Variants in TAF4B observed in about 807,000 individuals in gnomAD.
TAF4B encodes the protein TATA-box binding protein associated factor 4b.
Under a neutral mutation model 86.4 loss-of-function variants are expected in TAF4B, and 38 were observed. That is an observed-to-expected ratio of 0.44 (90% CI 0.34 to 0.58). TAF4B has a LOEUF of 0.58. Among genes scored for constraint, TAF4B ranks in the 20% least tolerant of loss-of-function variants. The pLI is 0.02. For synonymous variants in TAF4B, 388 were observed against 391.2 expected, an observed-to-expected ratio of 0.99 and a Z score of 0.10; for missense variants, 988 against 1,027.6, an observed-to-expected ratio of 0.96 and a Z score of 0.53.
chr18:26,293,316 G>A (rs1346395949), intron 8 of TAF4B, 110 bp from the exon 9 acceptor site: 1 of 667,046 alleles, frequency 1.5e-6, no homozygotes. Flanking sequence ...GGGCAGCTTG[G>A]AATTTTCTTT....
At chr18:26,240,591 G>C (rs9695454) in intron 1 of TAF4B, among the ~76,000 whole-genome samples, 1 of 152,120 alleles carries the variant, frequency 6.6e-6, no homozygotes. Flanking sequence ...TCTCCTGCCT[G>C]ATTGCCCTGG....
chr18:26,365,985 T>G (rs1207648641), intron 14 of TAF4B, among the ~76,000 whole-genome samples: 2 of 152,132 alleles, frequency 1.3e-5, no homozygotes, highest in Non-Finnish European at 1.5e-5. Flanking sequence ...GTGACCAAGT[T>G]TCACCATGTT....
At chr18:26,386,134 T>TACA (rs1355154962) in intron 14 of TAF4B, among the ~76,000 whole-genome samples, 1 of 152,158 alleles carries the variant, frequency 6.6e-6, no homozygotes, top group African/African-American at 2.4e-5. Context: ...TCCCTTGGGG[T>TACA]TTTTTTCATT....
chr18:26,382,121 TCTTA>T (rs1465521666), intron 14 of TAF4B, among the ~76,000 whole-genome samples: 4 of 152,302 alleles, frequency 2.6e-5, no homozygotes, highest in East Asian at 1.9e-4. Flanking sequence ...ATATTATAGC[TCTTA>T]CTTATATTCA....
chr18:26,343,812 G>A (rs1017303396), intron 13 of TAF4B, among the ~76,000 whole-genome samples: 1 of 152,018 alleles, frequency 6.6e-6, no homozygotes, highest in South Asian at 2.1e-4. Context: ...GGTGTACCTC[G>A]GCATCCTGGA....
chr18:26,237,948 G>GT (rs988474408), intron 1 of TAF4B, among the ~76,000 whole-genome samples: 1 of 152,112 alleles, frequency 6.6e-6, no homozygotes, highest in Non-Finnish European at 1.5e-5. Flanking sequence ...ACTGCCTGTG[G>GT]TTTTTTACCC....
chr18:26,311,508 C>T (rs1199995641), intron 9 of TAF4B, among the ~76,000 whole-genome samples: 1 of 152,054 alleles, frequency 6.6e-6, no homozygotes, highest in African/African-American at 2.4e-5. Context: ...CGTGGTGGTG[C>T]TACTCAGGAG....
chr18:26,349,944 A>G (rs1301723942), intron 13 of TAF4B, among the ~76,000 whole-genome samples: 1 of 152,350 alleles, frequency 6.6e-6, no homozygotes, highest in East Asian at 1.9e-4. Flanking sequence ...CAAAGGTGCC[A>G]GGAACATATA....
chr18:26,368,199 C>G (rs1398596402), intron 14 of TAF4B, among the ~76,000 whole-genome samples: 2 of 151,828 alleles, frequency 1.3e-5, no homozygotes, highest in Non-Finnish European at 2.9e-5. Flanking sequence ...AATAGAGAAC[C>G]AGGTTGAATT....
At chr18:26,332,555 G>A (rs1330274119) in intron 12 of TAF4B, among the ~76,000 whole-genome samples, 1 of 152,004 alleles carries the variant, frequency 6.6e-6, no homozygotes, top group Non-Finnish European at 1.5e-5. Context: ...TTTTTGAGAC[G>A]GAGTTTTGTT....
rs560655799 is a variant in TAF4B, at chr18:26,339,429, G to A, written c.2316+4198G>A. Among the ~76,000 whole-genome samples, 104 of 152,250 alleles carry A rather than the reference G, an allele frequency of 6.8e-4. 1 individual carries two copies. Among genetic ancestry groups the A allele is most frequent in the African/African-American group, 2.3e-3 (96 of 41,546 alleles). ...CAGCTTTGACCTCCTGGGCTCAAGCGCTCCTCCTACCTCACCCTACCAAGT... is the reference window on the plus strand; with the variant it reads ...CAGCTTTGACCTCCTGGGCTCAAGCACTCCTCCTACCTCACCCTACCAAGT... On this transcript the variant is annotated intron_variant, in intron 13 of 14. Transcript: ENST00000269142.
Position 26,285,891 on chromosome 18 carries a change from G to C in TAF4B, c.982G>C (p.Val328Leu), listed in dbSNP as rs142701856. 1.2e-6 allele frequency: 2 copies of C among 1,602,278 alleles called. No homozygotes were observed. Among genetic ancestry groups the C allele is most frequent in the African/African-American group, 2.7e-5 (2 of 74,706 alleles). ...HLVPFLKKSV[V>L]ALRQLLPNSQ... Reference sequence around the variant, plus strand: ...TCCTCTGCATTTCCAGAAAAGCGTGGTTGCCTTACGACAACTTCTGCCTAA... The same window carrying C: ...TCCTCTGCATTTCCAGAAAAGCGTGCTTGCCTTACGACAACTTCTGCCTAA... Residue 328 changes from valine to leucine, a missense_variant, in exon 7 of 15, where the codon GTT becomes CTT. By Grantham distance (32) the Val-to-Leu change is conservative (BLOSUM62 1). This residue lies in a region of TAF4B where 747 missense variants were observed against 737.9 expected (regional missense o/e 1.01). Transcript: ENST00000269142.
At chr18:26,260,458 A>G (rs1033739264) in intron 1 of TAF4B, among the ~76,000 whole-genome samples, 1 of 152,152 alleles carries the variant, frequency 6.6e-6, no homozygotes. Flanking sequence ...TAAGTTTTGT[A>G]TAAGGTATAA....
At chr18:26,316,853 T>TC (rs2056916979) in intron 10 of TAF4B, among the ~76,000 whole-genome samples, 3 of 152,198 alleles carry the variant, frequency 2.0e-5, no homozygotes, top group Admixed American at 2.0e-4. Flanking sequence ...GCATATGTAT[T>TC]TTGTATTATA....
rs1445566378 is a variant in TAF4B, at chr18:26,299,756, T to C, written c.1832+6225T>C. ...TTTTAATGCCAATTTCATGAAGTTG[T>C]ATTTTTTTAAGGTTTTTGTACATTT... On this transcript the variant is annotated intron_variant, in intron 9 of 14. Coordinates refer to ENST00000269142, the MANE Select transcript of TAF4B (RefSeq NM_005640.3). 2.0e-5 allele frequency among the ~76,000 whole-genome samples: 3 copies of C among 152,156 alleles called. No homozygotes were observed. The East Asian group carries it at 5.8e-4, about 29-fold the overall frequency.
chr18:26,339,785 A>G (rs1012740406), intron 13 of TAF4B, among the ~76,000 whole-genome samples: 2 of 152,256 alleles, frequency 1.3e-5, no homozygotes, highest in African/African-American at 4.8e-5. Flanking sequence ...CACATCGTCC[A>G]GAATTTTGTA....
intron 11 of TAF4B, among the ~76,000 whole-genome samples, chr18:26,325,929 T>G (rs1404955225): frequency 6.6e-6 from 1 of 152,198 alleles, no homozygotes; most frequent in African/African-American, 2.4e-5. Flanking sequence ...AAATTTAATT[T>G]AAAAAGAATC....
At chr18:26,342,579 T>C (rs920287516) in intron 13 of TAF4B, among the ~76,000 whole-genome samples, 1 of 152,206 alleles carries the variant, frequency 6.6e-6, no homozygotes. Context: ...CAAAGTAATT[T>C]CTTAATGTTT....
At chr18:26,285,210 C>CTTTTTTTTTTTTTTTTTTTTTTTT (rs113394710) in intron 6 of TAF4B, among the ~76,000 whole-genome samples, 19 of 42,526 alleles carry the variant, frequency 4.5e-4, no homozygotes, top group Non-Finnish European at 6.7e-4. Context: ...TCTTCCTTTC[C>CTTTTTTTTTTTTTTTTTTTTTTTT]TTTTTTTTTT....
Sources: allele counts gnomAD v4.1 joint callset (sites outside exome capture counted in the v4.1 genomes callset), GRCh38; gene constraint gnomAD v4.1.1; regional missense constraint gnomAD v4.1.1; transcripts MANE v1.5; gene names NCBI Gene and HGNC (gene_info 2026-07-23, HGNC 2026-07-21).